The following COL27A1 variants were observed in gnomAD, a reference collection of about 807,000 sequenced individuals.
COL27A1 encodes collagen alpha-1(XXVII) chain.
In COL27A1, 106 loss-of-function variants were observed where a neutral mutation model predicts 251.3. The ratio of observed to expected loss-of-function variants is 0.42; its 90% CI spans 0.36 to 0.50. COL27A1 has a LOEUF of 0.50. Ranked by LOEUF, COL27A1 falls within the 20% of genes least tolerant of loss-of-function variation. The pLI is 0.00. For missense variants in COL27A1, 2,325 were observed against 2,522.8 expected, an observed-to-expected ratio of 0.92 and a Z score of 1.68; for synonymous variants, 1,000 against 986.3, an observed-to-expected ratio of 1.01 and a Z score of -0.26.
At chr9:114,170,374 G>A (rs1849226057) in intron 3 of COL27A1, among the ~76,000 whole-genome samples, 1 of 152,202 alleles carries the variant, frequency 6.6e-6, no homozygotes, top group Non-Finnish European at 1.5e-5. Context: ...TCCTCCGGGT[G>A]GGGAATGATG....
intron 10 of COL27A1, among the ~76,000 whole-genome samples, chr9:114,208,381 A>C (rs1370422172): frequency 6.6e-6 from 1 of 152,174 alleles, no homozygotes; most frequent in Non-Finnish European, 1.5e-5. Flanking sequence ...CCCGGTAAGC[A>C]GAGGTTGCAG....
chr9:114,288,744 C>G lies in COL27A1; in HGVS notation c.4087C>G (p.Pro1363Ala), dbSNP rs1588878196. Reference protein sequence around the residue: ...DRGDRGEPGDPGYPGQEGVQG... With the variant: ...DRGDRGEPGDAGYPGQEGVQG... ...AGGAGACCGCGGGGAACCGGGAGACCCTGGGTACCCTGTAAGTATCAGAGC... is the reference window on the plus strand; with the variant it reads ...AGGAGACCGCGGGGAACCGGGAGACGCTGGGTACCCTGTAAGTATCAGAGC... Residue 1363 changes from proline (P) to alanine (A), a missense_variant, in exon 43 of 61, where the codon CCT becomes GCT. Transcript: ENST00000356083. 6.2e-7 allele frequency: 1 copy of G among 1,610,378 alleles called. No individual in the cohort carries two copies. Among genetic ancestry groups the G allele is most frequent in the Non-Finnish European group, 8.5e-7 (1 of 1,177,106 alleles).
chr9:114,231,204 G>A, intron 15 of COL27A1, 72 bp downstream of exon 15: 5 of 1,412,456 alleles, frequency 3.5e-6, no homozygotes, highest in Non-Finnish European at 5.0e-6. Flanking sequence ...CAGCCCAGAA[G>A]GAAGGGTGAC....
intron 12 of COL27A1, among the ~76,000 whole-genome samples, chr9:114,213,881 C>T (rs138977540): frequency 6.2e-4 from 95 of 152,286 alleles, no homozygotes; most frequent in African/African-American, 2.2e-3. Context: ...TAAGACTAGG[C>T]TCTGATCTTC....
intron 28 of COL27A1, among the ~76,000 whole-genome samples, 194 bp from the exon 29 acceptor site, chr9:114,264,161 C>A (rs1834553647): frequency 6.6e-6 from 1 of 152,218 alleles, no homozygotes; most frequent in South Asian, 2.1e-4. Context: ...CATGCTGCGG[C>A]CTCTGCAGAG....
At chr9:114,288,537 A>G (rs370766137) in intron 42 of COL27A1, 26 bp downstream of exon 42, 2 of 1,592,174 alleles carry the variant, frequency 1.3e-6, no homozygotes, top group African/African-American at 1.3e-5. Flanking sequence ...CCCCTGGACC[A>G]TGTGGCGTCC....
intron 7 of COL27A1, among the ~76,000 whole-genome samples, chr9:114,197,545 C>G (rs1418712689): frequency 6.6e-6 from 1 of 152,180 alleles, no homozygotes. Context: ...CATAAAGCAG[C>G]CTCGGGTGGT....
In COL27A1 at chr9:114,289,024, G is replaced by A; in HGVS notation, c.4152+57G>A. 3.1e-6 allele frequency: 5 copies of A among 1,595,306 alleles called. No individual in the cohort carries two copies. In the South Asian group the frequency reaches 4.4e-5, roughly 14 times the overall value. The stretch of plus-strand genomic sequence containing the variant: ...CCCACCCTGAGTGGGGCGGAGCAGT[G>A]GGAATTAAAGAACTAGGCCCTTTAA... On this transcript the variant is annotated intron_variant, in intron 44 of 60. Coordinates refer to ENST00000356083, the MANE Select transcript of COL27A1 (RefSeq NM_032888.4).
rs1176269679 is a variant in COL27A1 at position 114,167,750 on chromosome 9, G to A, written c.195G>A (p.Pro65=). 9 of 1,613,704 alleles carry A rather than the reference G, an allele frequency of 5.6e-6. No homozygotes were observed. Among genetic ancestry groups the A allele is most frequent in the Admixed American group, 3.3e-5 (2 of 60,000 alleles). ...CGAAGGCCGGGAGCCCTGCACCCCC[G>A]GGAGTCATTCCTTTCCAGTCGGGCT... ...SWTKAGSPAP[P]GVIPFQSGFI... is the part of the protein sequence containing the mutation. Residue 65 remains proline (P), a synonymous_variant, in exon 3 of 61, where the codon CCG becomes CCA. Transcript: ENST00000356083.
chr9:114,293,145 C>T (rs971690335), intron 49 of COL27A1, among the ~76,000 whole-genome samples: 1 of 152,160 alleles, frequency 6.6e-6, no homozygotes, highest in African/African-American at 2.4e-5. Context: ...GATACACATT[C>T]GTTATAAGTT....
At chr9:114,271,791 C>T (rs1194365409) in intron 36 of COL27A1, 1 of 152,316 alleles carries the variant, frequency 6.6e-6, no homozygotes, top group Middle Eastern at 3.2e-3. Context: ...CACCTACTCT[C>T]CAGGTGACCT....
chr9:114,210,105 A>G (rs1201623622), intron 11 of COL27A1, among the ~76,000 whole-genome samples: 1 of 152,222 alleles, frequency 6.6e-6, no homozygotes, highest in Non-Finnish European at 1.5e-5. Flanking sequence ...ACTTGCAACC[A>G]ATGAACACCG....
chr9:114,307,329 C>T (rs1267980631), intron 58 of COL27A1: 4 of 228,740 alleles, frequency 1.7e-5, no homozygotes, highest in Non-Finnish European at 3.4e-5. Context: ...CCCTAGGCCT[C>T]GAAGAATCCA....
At chr9:114,171,469 CT>C (rs10708471) in intron 3 of COL27A1, among the ~76,000 whole-genome samples, 37,159 of 147,226 alleles carry the variant, frequency 0.25, 4,796 homozygotes, top group Middle Eastern at 0.4. Context: ...GAATCTTTTT[CT>C]TTTTTTTTTT....
chr9:114,237,724 T>C lies in COL27A1; in HGVS notation c.2727+9T>C, dbSNP rs1356800293. ...GGCCCCCTGGACCCGAGGTATGTGATGCCCCATTTCTCCGTGTCTGGCTGC... is the reference window on the plus strand; with the variant it reads ...GGCCCCCTGGACCCGAGGTATGTGACGCCCCATTTCTCCGTGTCTGGCTGC... On this transcript the variant is annotated intron_variant, in intron 19 of 60. Transcript: ENST00000356083. 2 of 1,612,056 alleles carry C rather than the reference T, an allele frequency of 1.2e-6. No individual in the cohort carries two copies. The highest frequency in any genetic ancestry group is 1.3e-5 in the African/African-American group (1 of 75,012).
intron 14 of COL27A1, among the ~76,000 whole-genome samples, chr9:114,230,418 C>T (rs1241164609): frequency 1.3e-5 from 2 of 152,168 alleles, no homozygotes; most frequent in Non-Finnish European, 2.9e-5. Context: ...CTGTCATCTG[C>T]AAACTGCACA....
rs2567720 is a variant in COL27A1 at position 114,205,672 on chromosome 9, T to C, written c.2170-87T>C. 927,265 of 1,183,482 alleles carry C rather than the reference T, an allele frequency of 0.78. 366,797 individuals are homozygous for C. Among genetic ancestry groups the C allele is most frequent in the Non-Finnish European group, 0.8 (630,952 of 789,232 alleles). 73.3% of individuals were successfully genotyped at this position (1,183,482 alleles called of 1,614,324 possible). A position where few individuals can be genotyped will look rare whatever the true frequency, so the allele number is the denominator to read the frequency against. On this transcript the variant is annotated intron_variant, in intron 8 of 60. Coordinates refer to ENST00000356083, the MANE Select transcript of COL27A1 (RefSeq NM_032888.4). ...ACATTCCTGCCCCTCTCTTTATTCA[T>C]TGTCAGCCCCAGTCTCCCAGGGTCC...
At chr9:114,196,830 C>G (rs951747923) in intron 7 of COL27A1, among the ~76,000 whole-genome samples, 1 of 152,144 alleles carries the variant, frequency 6.6e-6, no homozygotes, top group Non-Finnish European at 1.5e-5. Flanking sequence ...TTCTGTGACT[C>G]CTCCAGCCTG....
chr9:114,257,675 C>A (rs1228879000), intron 27 of COL27A1, among the ~76,000 whole-genome samples: 1 of 152,152 alleles, frequency 6.6e-6, no homozygotes, highest in African/African-American at 2.4e-5. Flanking sequence ...TCTGCCTCCC[C>A]TCTCCTTCTC....
Sources: allele counts gnomAD v4.1 joint callset (sites outside exome capture counted in the v4.1 genomes callset), GRCh38; gene constraint gnomAD v4.1.1; transcripts MANE v1.5; gene names NCBI Gene and HGNC (gene_info 2026-07-23, HGNC 2026-07-21).